RANBP2: variants seen among roughly 807,000 people sequenced by gnomAD.
RANBP2 encodes the protein RAN binding protein 2.
RANBP2 carries 57 observed loss-of-function variants against 303.6 expected under a neutral mutation model. That is an observed-to-expected ratio of 0.19 (90% CI 0.15 to 0.23). RANBP2 has a LOEUF of 0.23. Among genes scored for constraint, RANBP2 ranks in the 10% least tolerant of loss-of-function variants. The pLI is 1.00. For synonymous variants in RANBP2, 1,167 were observed against 1,301.5 expected (o/e 0.90, Z 2.23); for missense variants, 3,138 against 3,780.8 (o/e 0.83, Z 4.46).
chr2:108,889,972 A>G, the RANBP2 span, among the ~76,000 whole-genome samples: 2 of 152,066 alleles, frequency 1.3e-5, no homozygotes, highest in Admixed American at 1.3e-4. Flanking sequence ...CATGATGGTA[A>G]ATGTTATTTT....
At chr2:109,575,186 G>A in the RANBP2 span, among the ~76,000 whole-genome samples, 2 of 152,172 alleles carry the variant, frequency 1.3e-5, no homozygotes, top group Non-Finnish European at 2.9e-5. Flanking sequence ...GTCCCTTTCT[G>A]ACAAAGCTTC....
chr2:109,579,627 C>G, the RANBP2 span, among the ~76,000 whole-genome samples: 87 of 151,430 alleles, frequency 5.7e-4, 2 homozygotes, highest in Non-Finnish European at 3.2e-4. Context: ...AGGTGATCCA[C>G]CCACCTTGGC....
chr2:109,727,300 G>C, the RANBP2 span, among the ~76,000 whole-genome samples: 3 of 152,286 alleles, frequency 2.0e-5, no homozygotes, highest in Non-Finnish European at 1.5e-5. Flanking sequence ...CAAATAACCT[G>C]TGGGAAACGA....
chr2:109,688,577 C>G, the RANBP2 span, among the ~76,000 whole-genome samples: 1 of 151,888 alleles, frequency 6.6e-6, no homozygotes, highest in African/African-American at 2.4e-5. Context: ...GAGATCAAGA[C>G]CATCCTGGCC....
At chr2:109,217,295 A>G in the RANBP2 span, among the ~76,000 whole-genome samples, 3 of 151,970 alleles carry the variant, frequency 2.0e-5, no homozygotes, top group Non-Finnish European at 4.4e-5. Context: ...TTTCAAATAC[A>G]GAGTCCTTGG....
the RANBP2 span, among the ~76,000 whole-genome samples, chr2:109,295,031 A>T: frequency 6.6e-6 from 1 of 152,236 alleles, no homozygotes; most frequent in Non-Finnish European, 1.5e-5. Context: ...CATCGCTATG[A>T]ATTCTCAGGA....
the RANBP2 span, among the ~76,000 whole-genome samples, chr2:109,244,478 A>G: frequency 6.6e-6 from 1 of 152,148 alleles, no homozygotes; most frequent in Non-Finnish European, 1.5e-5. Flanking sequence ...TGTTGGAACT[A>G]CCCCCAAACA....
At chr2:109,130,130 G>A in the RANBP2 span, 2 of 1,287,198 alleles carry the variant, frequency 1.6e-6, no homozygotes, top group Non-Finnish European at 2.0e-6. Context: ...ATCTGTCTCG[G>A]CGGAAGTGGC....
At chr2:109,062,265 C>G in the RANBP2 span, among the ~76,000 whole-genome samples, 2 of 152,234 alleles carry the variant, frequency 1.3e-5, no homozygotes, top group Non-Finnish European at 2.9e-5. Context: ...TGTTACTCTT[C>G]CTACCAGTTG....
chr2:109,543,623 T>C, the RANBP2 span: 1 of 152,254 alleles, frequency 6.6e-6, no homozygotes, highest in Non-Finnish European at 1.5e-5. Flanking sequence ...GGAATATAAA[T>C]GTAATCAGAT....
At chr2:109,728,796 G>A in the RANBP2 span, among the ~76,000 whole-genome samples, 2 of 150,926 alleles carry the variant, frequency 1.3e-5, no homozygotes, top group African/African-American at 4.9e-5. Flanking sequence ...TGCTAGTAAA[G>A]GTTTGGTTCT....
the RANBP2 span, among the ~76,000 whole-genome samples, chr2:109,091,928 T>G: frequency 0.54 from 81,800 of 151,776 alleles, 23,090 homozygotes; most frequent in South Asian, 0.69. Flanking sequence ...TCTCAGTTTG[T>G]CTCCTGGGGA....
the RANBP2 span, among the ~76,000 whole-genome samples, chr2:109,095,211 G>A: frequency 0.035 from 5,255 of 152,244 alleles, 128 homozygotes; most frequent in Non-Finnish European, 0.049. Flanking sequence ...TCTTCACTTC[G>A]TCTGATAGCC....
chr2:109,157,129 A>G, the RANBP2 span, among the ~76,000 whole-genome samples: 1 of 152,124 alleles, frequency 6.6e-6, no homozygotes, highest in Non-Finnish European at 1.5e-5. Context: ...AGGTTTTAGG[A>G]TGAGAGCACT....
At chr2:109,346,822 C>T in the RANBP2 span, among the ~76,000 whole-genome samples, 1 of 152,204 alleles carries the variant, frequency 6.6e-6, no homozygotes, top group South Asian at 2.1e-4. Context: ...CTGACGGATA[C>T]AAGAACATCA....
At chr2:109,138,558 C>G in the RANBP2 span, among the ~76,000 whole-genome samples, 1 of 152,208 alleles carries the variant, frequency 6.6e-6, no homozygotes, top group Non-Finnish European at 1.5e-5. Context: ...TGAACTGGAT[C>G]TTTTAGAGAG....
the RANBP2 span, among the ~76,000 whole-genome samples, chr2:109,495,006 C>T: frequency 6.6e-6 from 1 of 151,918 alleles, no homozygotes; most frequent in East Asian, 1.9e-4. Flanking sequence ...GCTGCCCTGC[C>T]CCAGCAGCTG....
the RANBP2 span, among the ~76,000 whole-genome samples, chr2:109,014,646 G>A: frequency 2.0e-5 from 3 of 152,212 alleles, no homozygotes; most frequent in Admixed American, 6.5e-5. Context: ...TCCCATGCCT[G>A]GAGCCTGTGT....
At chr2:109,078,098 A>ATATATATATATATATAGCGTG in the RANBP2 span, among the ~76,000 whole-genome samples, 230 of 59,992 alleles carry the variant, frequency 3.8e-3, 12 homozygotes, top group South Asian at 8.8e-3. Flanking sequence ...ATATATATAT[A>ATATATATATATATATAGCGTG]TATATATATA....
Sources: gnomAD v4.1 joint callset for allele counts (sites outside exome capture counted in the v4.1 genomes callset) on GRCh38, gnomAD v4.1.1 for gene constraint, MANE v1.5 for transcripts, NCBI Gene and HGNC (gene_info 2026-07-23, HGNC 2026-07-21) for gene names.